The following CA10 variants were observed in gnomAD, a reference collection of about 807,000 sequenced individuals.
The protein encoded by CA10 is carbonic anhydrase 10 (inactive), also known as carbonic anhydrase-related protein 10.
CA10 carries 14 observed loss-of-function variants against 44.2 expected under a neutral mutation model. That is an observed-to-expected ratio of 0.32 (90% CI 0.21 to 0.50). The LOEUF (loss-of-function observed/expected upper bound fraction) is 0.50, where lower values mean the gene tolerates loss of function less well. Among genes scored for constraint, CA10 ranks in the 20% least tolerant of loss-of-function variants. The pLI, the probability that CA10 is intolerant of heterozygous loss-of-function variation, is 0.99. For missense variants in CA10, 350 were observed against 409.7 expected, an observed-to-expected ratio of 0.85 and a Z score of 1.26; for synonymous variants, 159 against 141.6, an observed-to-expected ratio of 1.12 and a Z score of -0.87.
intron 1 of CA10, among the ~76,000 whole-genome samples, chr17:52,135,337 G>A (rs1026256776): frequency 1.3e-5 from 2 of 152,116 alleles, no homozygotes; most frequent in Non-Finnish European, 2.9e-5. Context: ...CAGTGGTTCT[G>A]GCCAGTCTAT....
intron 3 of CA10, among the ~76,000 whole-genome samples, chr17:51,855,973 T>A (rs1979021004): frequency 6.6e-6 from 1 of 152,162 alleles, no homozygotes; most frequent in South Asian, 2.1e-4. Flanking sequence ...CTCAATTACC[T>A]TATCTGTCAA....
intron 3 of CA10, among the ~76,000 whole-genome samples, chr17:51,917,276 C>T (rs1298301926): frequency 6.6e-6 from 1 of 152,176 alleles, no homozygotes; most frequent in Non-Finnish European, 1.5e-5. Flanking sequence ...CAGGATAAGC[C>T]AGCTCCTTAA....
chr17:52,100,460 A>G (rs4794325), intron 1 of CA10, among the ~76,000 whole-genome samples: 22,604 of 152,152 alleles, frequency 0.15, 1,952 homozygotes, highest in East Asian at 0.41. Flanking sequence ...CAGACAAGCC[A>G]ACACCTAGTG....
In CA10 at chr17:51,788,071, C is replaced by CT. The variant is rs1417612670; in HGVS notation, c.280-40254dup. Among the ~76,000 whole-genome samples the CT allele has an allele frequency of 1.6e-4, 25 of 152,090 alleles. No homozygotes were observed. In the South Asian group the frequency reaches 3.9e-3, roughly 24 times the overall value. Reference sequence around the variant, plus strand: ...AGGTTGCTTATTTGAAATTTTTCTTCTTTTTTGATGCAGGCACTTGGAGCC... The same window carrying CT: ...AGGTTGCTTATTTGAAATTTTTCTTCTTTTTTTGATGCAGGCACTTGGAGCC... On this transcript the variant is annotated intron_variant, in intron 3 of 8. Coordinates refer to ENST00000451037, the MANE Select transcript of CA10 (RefSeq NM_020178.5).
intron 4 of CA10, among the ~76,000 whole-genome samples, chr17:51,728,468 C>G (rs1917998): frequency 3.3e-5 from 5 of 152,056 alleles, no homozygotes; most frequent in African/African-American, 1.2e-4. Flanking sequence ...GTGATAGATC[C>G]TCAGTCTTTC....
chr17:51,982,446 T>G (rs1984684097), intron 2 of CA10, among the ~76,000 whole-genome samples: 1 of 151,922 alleles, frequency 6.6e-6, no homozygotes, highest in African/African-American at 2.4e-5. Flanking sequence ...GTTAAAGGTG[T>G]CCAGGGAGGG....
intron 3 of CA10, among the ~76,000 whole-genome samples, chr17:51,864,137 A>T (rs1979440941): frequency 6.6e-6 from 1 of 152,180 alleles, no homozygotes; most frequent in Non-Finnish European, 1.5e-5. Flanking sequence ...ATTAGCAAAA[A>T]CTATCAGGTG....
chr17:52,088,416 ACT>A (rs1988176088), intron 1 of CA10, among the ~76,000 whole-genome samples: 1 of 152,082 alleles, frequency 6.6e-6, no homozygotes, highest in African/African-American at 2.4e-5. Context: ...TAGAAAAGTG[ACT>A]CTAGAGGAGT....
intron 4 of CA10, among the ~76,000 whole-genome samples, chr17:51,728,631 G>A (rs749245406): frequency 2.0e-5 from 3 of 152,136 alleles, no homozygotes; most frequent in South Asian, 2.1e-4. Flanking sequence ...CCTTCTCTTC[G>A]CATCAGAGGT....
chr17:51,834,198 T>C (rs1908391425), intron 3 of CA10, among the ~76,000 whole-genome samples: 1 of 152,228 alleles, frequency 6.6e-6, no homozygotes. Flanking sequence ...AAATTGATCT[T>C]GGATGCTCAA....
At chr17:52,085,426 C>T (rs1988091917) in intron 1 of CA10, among the ~76,000 whole-genome samples, 1 of 152,200 alleles carries the variant, frequency 6.6e-6, no homozygotes, top group African/African-American at 2.4e-5. Context: ...TGCACAGAGT[C>T]TTCCTATGAA....
intron 3 of CA10, among the ~76,000 whole-genome samples, chr17:51,864,604 A>G (rs957218534): frequency 1.3e-5 from 2 of 152,154 alleles, no homozygotes; most frequent in African/African-American, 4.8e-5. Context: ...CACCTTTTCA[A>G]TGGGATTTTA....
chr17:51,940,732 G>T (rs1345059979), intron 2 of CA10, among the ~76,000 whole-genome samples: 1 of 150,898 alleles, frequency 6.6e-6, no homozygotes. Context: ...CAAAACTCAG[G>T]TTGTTCTGGC....
intron 2 of CA10, among the ~76,000 whole-genome samples, chr17:51,994,934 A>C (rs1217547591): frequency 6.6e-6 from 1 of 152,048 alleles, no homozygotes; most frequent in Non-Finnish European, 1.5e-5. Flanking sequence ...TTTTCTAAAA[A>C]CAGTGTTAAA....
chr17:51,700,546 C>T (rs148991715), intron 4 of CA10, among the ~76,000 whole-genome samples: 1 of 152,188 alleles, frequency 6.6e-6, no homozygotes, highest in Non-Finnish European at 1.5e-5. Flanking sequence ...TTGTTCCCCA[C>T]CTGTGCTTGG....
chr17:51,823,392 A>G (rs954832741), intron 3 of CA10, among the ~76,000 whole-genome samples: 3 of 151,986 alleles, frequency 2.0e-5, no homozygotes, highest in African/African-American at 7.3e-5. Flanking sequence ...GGTGTCCTCT[A>G]CTCGTGGTTG....
At chr17:52,125,618 G>T (rs1015676392) in intron 1 of CA10, among the ~76,000 whole-genome samples, 1 of 152,008 alleles carries the variant, frequency 6.6e-6, no homozygotes, top group Non-Finnish European at 1.5e-5. Flanking sequence ...ATCATTCTTC[G>T]GTCTCTTGAT....
chr17:51,767,726 C>CA (rs1480997857), intron 3 of CA10, among the ~76,000 whole-genome samples: 4 of 143,134 alleles, frequency 2.8e-5, no homozygotes, highest in African/African-American at 5.1e-5. Context: ...GAGCCCCGAG[C>CA]TTTTTTTTTT....
intron 2 of CA10, among the ~76,000 whole-genome samples, chr17:52,000,260 G>A (rs1405640044): frequency 6.6e-6 from 1 of 152,052 alleles, no homozygotes; most frequent in Non-Finnish European, 1.5e-5. Context: ...GAAGATGAAG[G>A]TTGAGAGCAA....
Sources: allele counts gnomAD v4.1 joint callset (sites outside exome capture counted in the v4.1 genomes callset), GRCh38; gene constraint gnomAD v4.1.1; transcripts MANE v1.5; gene names NCBI Gene and HGNC (gene_info 2026-07-23, HGNC 2026-07-21).